The following RIIAD1 variants were observed in gnomAD, a reference collection of about 807,000 sequenced individuals.
RIIAD1 encodes the protein RIIa domain-containing protein 1.
Under a neutral mutation model 13.3 loss-of-function variants are expected in RIIAD1, and 15 were observed. The ratio of observed to expected loss-of-function variants is 1.13; its 90% CI spans 0.76 to 1.74. The LOEUF (loss-of-function observed/expected upper bound fraction) is 1.74, where lower values mean the gene tolerates loss of function less well. Ranked by LOEUF, RIIAD1 falls within the 40% of genes most tolerant of loss-of-function variation. The probability of loss-of-function intolerance (pLI) is 0.00; values close to 1 mark genes in which losing one functional copy is unlikely to be tolerated. For synonymous variants in RIIAD1, 50 were observed against 43.3 expected (o/e 1.16, Z -0.61); for missense variants, 121 against 112.2 (o/e 1.08, Z -0.35).
chr1:151,719,701 A>C, upstream of RIIAD1: 1 of 701,672 alleles, frequency 1.4e-6, no homozygotes, highest in Non-Finnish European at 2.6e-6. Context: ...AAGACAGGCC[A>C]ACACAATACA....
chr1:151,724,813 T>G (rs1673797918), intron 2 of RIIAD1, among the ~76,000 whole-genome samples: 1 of 151,918 alleles, frequency 6.6e-6, no homozygotes, highest in Admixed American at 6.6e-5. Flanking sequence ...ATTTTTTTTT[T>G]TTTTGAGACG....
At position 151,722,178 on chromosome 1, in the gene RIIAD1, G is replaced by A. The variant is rs1436549226; in HGVS notation, c.161+16G>A. ...GTTTCTTCAGGTAGGTGGTTTTCCAGGCTCTGGGATTTGTGGCACGCAGGG... is the reference window on the plus strand; with the variant it reads ...GTTTCTTCAGGTAGGTGGTTTTCCAAGCTCTGGGATTTGTGGCACGCAGGG... On this transcript the variant is annotated intron_variant, in intron 2 of 4. Transcript: ENST00000479191. 1 of 1,516,596 alleles carries A rather than the reference G, an allele frequency of 6.6e-7. No homozygotes were observed. 93.9% of individuals were successfully genotyped at this position (1,516,596 alleles called of 1,614,324 possible).
At chr1:151,719,666 G>T, upstream of RIIAD1, 1 of 702,906 alleles carries the variant, frequency 1.4e-6, no homozygotes, top group Non-Finnish European at 2.6e-6. Flanking sequence ...CTGCCCTCAA[G>T]TGGCTTCCAC....
chr1:151,718,952 A>G (rs1673688505), upstream of RIIAD1, among the ~76,000 whole-genome samples: 1 of 152,114 alleles, frequency 6.6e-6, no homozygotes, highest in Non-Finnish European at 1.5e-5. Flanking sequence ...TCATTACTCT[A>G]TGTCTTCTCA....
intron 2 of RIIAD1, among the ~76,000 whole-genome samples, chr1:151,723,521 G>A (rs1673776972): frequency 6.6e-6 from 1 of 150,512 alleles, no homozygotes; most frequent in Non-Finnish European, 1.5e-5. Flanking sequence ...CCAACATGAG[G>A]AAACCCTGTC....
chr1:151,719,763 T>C (rs914200713), upstream of RIIAD1: 21 of 648,714 alleles, frequency 3.2e-5, no homozygotes, highest in African/African-American at 3.5e-4. Context: ...GCCCCTCTCA[T>C]ACATGGGCAT....
intron 2 of RIIAD1, among the ~76,000 whole-genome samples, chr1:151,725,725 T>C (rs892466943): frequency 7.9e-5 from 12 of 152,258 alleles, no homozygotes; most frequent in Non-Finnish European, 1.6e-4. Flanking sequence ...GCCTGTTTCC[T>C]TTTGCTCAGT....
At chr1:151,712,765 G>T (rs1022418625) in intron 2 of RIIAD1, among the ~76,000 whole-genome samples, 1 of 152,190 alleles carries the variant, frequency 6.6e-6, no homozygotes, top group African/African-American at 2.4e-5. Flanking sequence ...TAGATTTTTG[G>T]GGTGACAGAG....
chr1:151,728,734 A>G (rs41263710), intron 3 of RIIAD1, 32 bp from the exon 4 acceptor site: 138,203 of 1,306,582 alleles, frequency 0.11, 7,849 homozygotes, highest in Non-Finnish European at 0.11. Context: ...CTTTGGGTAT[A>G]GATGATGTCT....
At chr1:151,725,910 A>T (rs527791432) in intron 2 of RIIAD1, among the ~76,000 whole-genome samples, 59 of 151,948 alleles carry the variant, frequency 3.9e-4, no homozygotes, top group African/African-American at 1.4e-3. Context: ...TGCGTCCCTC[A>T]CTCAAGCCAG....
intron 1 of RIIAD1, 165 bp downstream of exon 1, chr1:151,721,785 G>C: frequency 1.9e-6 from 1 of 523,076 alleles, no homozygotes; most frequent in East Asian, 3.1e-5. Context: ...CTAGGCGTCT[G>C]ATCCCAGCAC....
At chr1:151,720,166 T>G (rs1232784810), upstream of RIIAD1, among the ~76,000 whole-genome samples, 2 of 152,372 alleles carry the variant, frequency 1.3e-5, no homozygotes, top group Non-Finnish European at 2.9e-5. Flanking sequence ...TTATATTTGC[T>G]GCACATTTAA....
intron 2 of RIIAD1, chr1:151,712,104 G>C (rs1002434315): frequency 2.6e-5 from 4 of 152,264 alleles, no homozygotes; most frequent in Non-Finnish European, 5.9e-5. Context: ...CTCAGGCTTC[G>C]TTAGCTCAGC....
At position 151,728,802 on chromosome 1, in the gene RIIAD1, AC is replaced by A. The variant is rs1558120552; in HGVS notation, c.246del (p.His82GlnfsTer4). 1.3e-6 allele frequency: 2 copies of A among 1,546,046 alleles called. No individual in the cohort carries two copies. The highest frequency in any genetic ancestry group is 1.4e-5 in the African/African-American group (1 of 73,008). On this transcript the variant is annotated frameshift_variant, in exon 4 of 5. Transcript: ENST00000479191. LOFTEE classifies it high-confidence loss of function. ...FTDPRLPNKIHMQLIKDKKAA is the reference protein window; with the variant it reads ...FTDPRLPNKIXMQLIKDKKAA ...GATCCAAGACTTCCCAACAAGATTC[AC>A]ATGCAGCTAATTAAAGACAAGAAAG...
intron 4 of RIIAD1, chr1:151,714,731 C>G (rs1355917026): frequency 4.8e-6 from 6 of 1,254,868 alleles, no homozygotes; most frequent in African/African-American, 1.5e-5. Context: ...TCCATCTCCC[C>G]TCTCTGAAAG....
chr1:151,720,728 T>G (rs1673721197), upstream of RIIAD1, among the ~76,000 whole-genome samples: 1 of 152,202 alleles, frequency 6.6e-6, no homozygotes, highest in South Asian at 2.1e-4. Flanking sequence ...GAGCACGATC[T>G]CTGTGGGGGT....
intron 4 of RIIAD1, chr1:151,716,040 G>C: frequency 6.2e-7 from 1 of 1,600,438 alleles, no homozygotes; most frequent in South Asian, 1.1e-5. Flanking sequence ...CCAGGAGGAG[G>C]GGCCGAGGGG....
upstream of RIIAD1, chr1:151,721,449 C>CG (rs1302205905): frequency 5.2e-6 from 4 of 774,002 alleles, no homozygotes; most frequent in African/African-American, 5.4e-5. Flanking sequence ...GCCCCTGCTT[C>CG]GCTGAAGGGG....
intron 4 of RIIAD1, chr1:151,716,476 C>G (rs547094464): frequency 3.3e-6 from 1 of 305,190 alleles, no homozygotes; most frequent in Non-Finnish European, 6.5e-6. Context: ...TTGCCAGCAG[C>G]GTCAGTAAGG....
Sources: allele counts gnomAD v4.1 joint callset (sites outside exome capture counted in the v4.1 genomes callset), GRCh38; gene constraint gnomAD v4.1.1; transcripts MANE v1.5; gene names NCBI Gene and HGNC (gene_info 2026-07-23, HGNC 2026-07-21).